Variants in ICE1 observed in about 807,000 individuals in gnomAD.
The protein encoded by ICE1 is little elongation complex subunit 1.
Under a neutral mutation model 192.7 loss-of-function variants are expected in ICE1, and 64 were observed. The ratio of observed to expected loss-of-function variants is 0.33; its 90% confidence interval spans 0.27 to 0.41. The LOEUF is 0.41. ICE1 is among the 10% of genes least tolerant of loss of function. The pLI is 1.00. For missense variants in ICE1, 2,708 were observed against 2,696.0 expected (o/e 1.00, Z -0.10); for synonymous variants, 1,010 against 984.5 (o/e 1.03, Z -0.49).
chr5:5,443,326 T>A (rs1738106083), intron 6 of ICE1, 82 bp downstream of exon 6: 1 of 749,524 alleles, frequency 1.3e-6, no homozygotes, highest in Non-Finnish European at 2.1e-6. Flanking sequence ...TGTTTTTTTT[T>A]TTACAGTCTT....
intron 14 of ICE1, among the ~76,000 whole-genome samples, chr5:5,467,441 C>G (rs941381699): frequency 3.9e-5 from 6 of 152,206 alleles, no homozygotes; most frequent in African/African-American, 1.4e-4. Flanking sequence ...CCATTCTTAG[C>G]TCAAGCTTTT....
At chr5:5,481,259 AT>A (rs1038899175) in intron 17 of ICE1, among the ~76,000 whole-genome samples, 4 of 152,092 alleles carry the variant, frequency 2.6e-5, no homozygotes, top group African/African-American at 9.7e-5. Flanking sequence ...ACAATATGGT[AT>A]TTTTTTAAGT....
intron 3 of ICE1, chr5:5,437,315 G>A: frequency 2.2e-6 from 1 of 451,762 alleles, no homozygotes; most frequent in Non-Finnish European, 4.0e-6. Context: ...TTAAAAATGA[G>A]ATTACTTTTC....
At position 5,436,302 on chromosome 5, in the gene ICE1, A is replaced by ATG. The variant is rs1737871076; in HGVS notation, c.85-116_85-115insTG. On this transcript the variant is annotated intron_variant, in intron 1 of 18. Coordinates refer to ENST00000296564, the MANE Select transcript of ICE1 (RefSeq NM_015325.3). ...TCTACACAATATAAGTAATGCATTAACATTTCTATGTTTATATAATTATTA... is the reference window on the plus strand; with the variant it reads ...TCTACACAATATAAGTAATGCATTAATGCATTTCTATGTTTATATAATTATTA... The ATG allele has an allele frequency of 5.7e-5, 38 of 662,758 alleles. 2 individuals are homozygous for ATG. In the South Asian group the frequency reaches 9.2e-4, roughly 16 times the overall value. The allele number at this position is 662,758 out of a possible 1,614,324, so 41.1% of individuals were successfully genotyped here. A position where few individuals can be genotyped will look rare whatever the true frequency, so the allele number is the denominator to read the frequency against.
In ICE1 at chr5:5,489,226, A is replaced by G. The variant is rs1414502529; in HGVS notation, c.6697A>G (p.Lys2233Glu). 2 of 1,613,846 alleles carry G rather than the reference A, an allele frequency of 1.2e-6. No homozygotes were observed. Among genetic ancestry groups the G allele is most frequent in the Non-Finnish European group, 8.5e-7 (1 of 1,179,886 alleles). ...LSPSNPAEIS[K>E]ILEAWRREAS... ...TCCCAGCAATCCAGCAGAAATTTCC[A>G]AGATCCTGGAAGCTTGGCGGAGAGA... The change falls in exon 19 of 19, where the codon AAG becomes GAG. Residue 2233 changes from lysine (K) to glutamate (E), a missense_variant. Coordinates refer to ENST00000296564, the MANE Select transcript of ICE1 (RefSeq NM_015325.3).
In ICE1 at chr5:5,474,015, C is replaced by G. The variant is rs185924835; in HGVS notation, c.6413+267C>G. ...CACGAGGTCAGGAGATCGAGACCAC[C>G]CTGGCTAACATGATGAAACCCCGTC... On this transcript the variant is annotated intron_variant, in intron 16 of 18. Transcript: ENST00000296564. 7.4e-3 allele frequency among the ~76,000 whole-genome samples: 1,129 copies of G among 152,048 alleles called. 16 individuals carry two copies. Among genetic ancestry groups the G allele is most frequent in the African/African-American group, 0.026 (1,081 of 41,474 alleles).
rs749774158 is a variant in ICE1, at chr5:5,461,735, G to A, written c.2401G>A (p.Gly801Ser). ...CCATAGTGATTTATTAAGGAAAGGT[G>A]GCGAAGAAAGTCTGAGAGCCAAATC... ...WHHSDLLRKGGEESLRAKSEH... is the reference protein window; with the variant it reads ...WHHSDLLRKGSEESLRAKSEH... Residue 801 changes from glycine (G) to serine (S), a missense_variant, in exon 13 of 19, where the codon GGC (glycine) becomes AGC (serine). Physicochemically the swap from Gly to Ser is moderately conservative, Grantham distance 56. This residue lies in a region of ICE1 where 2,366 missense variants were observed against 2,276.6 expected (regional missense o/e 1.04). Coordinates refer to ENST00000296564, the MANE Select transcript of ICE1 (RefSeq NM_015325.3). 4 of 1,613,662 alleles carry A rather than the reference G, an allele frequency of 2.5e-6. No individual in the cohort carries two copies. Among genetic ancestry groups the A allele is most frequent in the East Asian group, 2.2e-5 (1 of 44,874 alleles).
intron 7 of ICE1, among the ~76,000 whole-genome samples, chr5:5,446,052 C>T (rs1318002554): frequency 6.6e-6 from 1 of 152,100 alleles, no homozygotes; most frequent in Non-Finnish European, 1.5e-5. Flanking sequence ...AGGTCTCACT[C>T]TGTTGCCTAG....
At chr5:5,448,025 CAT>C (rs1436681744) in intron 10 of ICE1, 128 bp downstream of exon 10, 2 of 652,060 alleles carry the variant, frequency 3.1e-6, no homozygotes, top group African/African-American at 3.7e-5. Flanking sequence ...TAGTAGAAGT[CAT>C]ATATTATTGT....
chr5:5,464,568 A>C lies in ICE1; in HGVS notation c.5234A>C (p.Gln1745Pro). Reference protein sequence around the residue: ...ASGHAAVGGPQENSVKILDTM... With the variant: ...ASGHAAVGGPPENSVKILDTM... The stretch of plus-strand genomic sequence containing the variant: ...GGCCACGCTGCTGTGGGAGGGCCTC[A>C]GGAGAATTCTGTGAAAATCCTTGAC... The change falls in exon 13 of 19, where the codon CAG becomes CCG. Residue 1745 changes from glutamine to proline, a missense_variant. Gln to Pro is a moderately conservative substitution (Grantham distance 76, BLOSUM62 -1). Transcript: ENST00000296564. This position sits in a 1 kb window ranked among gnomAD's most constrained non-coding sequence, Gnocchi z 4.0. 6.2e-7 allele frequency: 1 copy of C among 1,612,972 alleles called. No individual in the cohort carries two copies. The highest frequency in any genetic ancestry group is 8.5e-7 in the Non-Finnish European group (1 of 1,179,402).
At chr5:5,477,024 A>T (rs1317165616) in intron 17 of ICE1, among the ~76,000 whole-genome samples, 1 of 152,048 alleles carries the variant, frequency 6.6e-6, no homozygotes, top group Non-Finnish European at 1.5e-5. Flanking sequence ...GTTAGTTTTT[A>T]TTTTTACTTA....
chr5:5,485,519 C>T (rs1739618365), intron 17 of ICE1, among the ~76,000 whole-genome samples: 1 of 152,116 alleles, frequency 6.6e-6, no homozygotes, highest in Non-Finnish European at 1.5e-5. Context: ...TACGGATATT[C>T]TTTTTTGATG....
At chr5:5,433,888 G>C (rs1381356702) in intron 1 of ICE1, among the ~76,000 whole-genome samples, 4 of 151,738 alleles carry the variant, frequency 2.6e-5, no homozygotes, top group Non-Finnish European at 5.9e-5. Flanking sequence ...AGGCATCCTA[G>C]TAATTTTAGT....
intron 12 of ICE1, 121 bp downstream of exon 12, chr5:5,457,862 G>C: frequency 1.0e-6 from 1 of 958,434 alleles, no homozygotes. Context: ...AGCCAATTTT[G>C]TTAGGGGGTA....
At chr5:5,454,860 C>A (rs78685979) in intron 11 of ICE1, among the ~76,000 whole-genome samples, 1 of 151,660 alleles carries the variant, frequency 6.6e-6, no homozygotes, top group African/African-American at 2.4e-5. Flanking sequence ...CAAAAAAAAA[C>A]GAGAAGGTCA....
At chr5:5,451,207 A>G (rs1286213858) in intron 10 of ICE1, among the ~76,000 whole-genome samples, 4 of 152,186 alleles carry the variant, frequency 2.6e-5, no homozygotes, top group Non-Finnish European at 5.9e-5. Context: ...TTGAAATACT[A>G]AACTGTTTTG....
chr5:5,435,694 T>TTTC (rs1737854138), intron 1 of ICE1, among the ~76,000 whole-genome samples: 1 of 110,174 alleles, frequency 9.1e-6, no homozygotes, highest in African/African-American at 4.1e-5. Flanking sequence ...GTTTTTTTTT[T>TTTC]CGAGATGGAA....
chr5:5,461,192 G>T lies in ICE1; in HGVS notation c.1858G>T (p.Asp620Tyr). The change falls in exon 13 of 19, where the codon GAT (aspartate) becomes TAT (tyrosine). Residue 620 changes from aspartate to tyrosine, a missense_variant. Around this residue, in one of 2 missense-constraint regions of ICE1, gnomAD observed 2,366 missense variants for 2,276.6 expected, o/e 1.04. Coordinates refer to ENST00000296564, the MANE Select transcript of ICE1 (RefSeq NM_015325.3). ...AGATGATGACTCAGGTGATGGAATG[G>T]ATGTAGCAGGGCTTGACATTGAAAC... Reference protein sequence around the residue: ...SEDDDSGDGMDVAGLDIETSF... With the variant: ...SEDDDSGDGMYVAGLDIETSF... The T allele has an allele frequency of 1.2e-6, 2 of 1,614,012 alleles. No individual in the cohort carries two copies. Among genetic ancestry groups the T allele is most frequent in the Non-Finnish European group, 1.7e-6 (2 of 1,179,890 alleles).
chr5:5,441,269 G>C (rs1335370426), intron 5 of ICE1, 46 bp downstream of exon 5: 1 of 1,231,418 alleles, frequency 8.1e-7, no homozygotes, highest in Non-Finnish European at 1.2e-6. Flanking sequence ...AATAAATTAG[G>C]ATGAGCTTAT....
Sources: allele counts gnomAD v4.1 joint callset (sites outside exome capture counted in the v4.1 genomes callset), GRCh38; gene constraint gnomAD v4.1.1; regional missense constraint gnomAD v4.1.1; non-coding constraint Gnocchi (gnomAD v3.1); transcripts MANE v1.5; gene names NCBI Gene and HGNC (gene_info 2026-07-23, HGNC 2026-07-21).